The following FAF1 variants were observed in gnomAD, a reference collection of about 807,000 sequenced individuals.
FAF1 encodes the protein FAS-associated factor 1.
In FAF1, 25 loss-of-function variants were observed where a neutral mutation model predicts 92.5. The observed-to-expected ratio is 0.27, with a 90% CI of 0.20 to 0.38. FAF1 has a LOEUF of 0.38. Ranked by LOEUF, FAF1 falls within the 10% of genes least tolerant of loss-of-function variation. The pLI is 1.00. For missense variants in FAF1, 636 were observed against 793.3 expected (o/e 0.80, Z 2.38); for synonymous variants, 234 against 273.2 (o/e 0.86, Z 1.42).
chr1:50,712,632 G>A lies in FAF1; in HGVS notation c.552-6741C>T, dbSNP rs191171179. Among the ~76,000 whole-genome samples the A allele has an allele frequency of 1.9e-4, 29 of 151,996 alleles. No individual in the cohort carries two copies. In the East Asian group the frequency reaches 5.4e-3, roughly 29 times the overall value. On this transcript the variant is annotated intron_variant, in intron 6 of 18. Transcript: ENST00000396153. ...AATCGCACCACTGCACTCCAGCCTG[G>A]GCAGCAGAGAGAGACTCTGTTGTAA...
intron 2 of FAF1, among the ~76,000 whole-genome samples, chr1:50,835,944 G>T (rs1644197236): frequency 6.6e-6 from 1 of 152,094 alleles, no homozygotes; most frequent in South Asian, 2.1e-4. Context: ...GGACATCAAG[G>T]TTGATACAGG....
intron 3 of FAF1, among the ~76,000 whole-genome samples, chr1:50,789,990 C>T (rs1387252872): frequency 6.6e-6 from 1 of 152,192 alleles, no homozygotes; most frequent in Non-Finnish European, 1.5e-5. Flanking sequence ...ACAAATTATA[C>T]TCAACCTTTC....
chr1:50,787,335 C>T (rs757753749), intron 4 of FAF1, among the ~76,000 whole-genome samples: 16 of 152,124 alleles, frequency 1.1e-4, no homozygotes, highest in Non-Finnish European at 2.1e-4. Flanking sequence ...AGTATTAAGA[C>T]GCAGGTCCTT....
chr1:50,937,274 T>G (rs1047316475), intron 1 of FAF1, among the ~76,000 whole-genome samples: 2 of 152,124 alleles, frequency 1.3e-5, no homozygotes, highest in African/African-American at 2.4e-5. Context: ...TGACTCTTGA[T>G]CTCTTCTTTT....
At chr1:50,958,677 CAA>C (rs1298331887) in intron 1 of FAF1, among the ~76,000 whole-genome samples, 8 of 83,436 alleles carry the variant, frequency 9.6e-5, no homozygotes, top group Admixed American at 1.4e-4. Flanking sequence ...GACTCCGTCT[CAA>C]AAAAAAAAAA....
intron 1 of FAF1, among the ~76,000 whole-genome samples, chr1:50,927,121 C>A (rs1339953915): frequency 6.6e-6 from 1 of 152,038 alleles, no homozygotes; most frequent in Non-Finnish European, 1.5e-5. Context: ...AGGGAGTTAA[C>A]GTTTAATCAA....
intron 7 of FAF1, among the ~76,000 whole-genome samples, chr1:50,701,638 G>T (rs944528385): frequency 1.3e-5 from 2 of 152,080 alleles, no homozygotes; most frequent in African/African-American, 4.8e-5. Flanking sequence ...TCCGACGTTA[G>T]GTTCAAATGC....
intron 1 of FAF1, among the ~76,000 whole-genome samples, chr1:50,937,768 T>C (rs940086879): frequency 5.3e-5 from 8 of 152,186 alleles, no homozygotes; most frequent in African/African-American, 9.7e-5. Flanking sequence ...AAAATGCCCC[T>C]ATCTTAATTT....
chr1:50,819,638 T>TCACTCACACA (rs1553142955), intron 2 of FAF1, among the ~76,000 whole-genome samples: 2 of 97,822 alleles, frequency 2.0e-5, no homozygotes, highest in Admixed American at 1.2e-4. Context: ...ACTGACTCAC[T>TCACTCACACA]CACACACACA....
At chr1:50,486,653 C>A (rs888978176) in intron 17 of FAF1, among the ~76,000 whole-genome samples, 6 of 151,984 alleles carry the variant, frequency 3.9e-5, no homozygotes, top group Non-Finnish European at 8.8e-5. Context: ...GTATCTTTTC[C>A]TGTAGTGATT....
intron 17 of FAF1, among the ~76,000 whole-genome samples, chr1:50,487,827 A>G (rs1331754968): frequency 6.6e-6 from 1 of 152,204 alleles, no homozygotes; most frequent in Non-Finnish European, 1.5e-5. Flanking sequence ...GAAGACAGGT[A>G]GTGTTGCTGT....
At position 50,702,598 on chromosome 1, in the gene FAF1, G is replaced by A. The variant is rs572028307; in HGVS notation, c.657+3188C>T. ...CTGTCACTGCTTTCTCCCCAACCAGGAGGATAATGTAACTGGAAGGATTTG... is the reference window on the plus strand; with the variant it reads ...CTGTCACTGCTTTCTCCCCAACCAGAAGGATAATGTAACTGGAAGGATTTG... On this transcript the variant is annotated intron_variant, in intron 7 of 18. Coordinates refer to ENST00000396153, the MANE Select transcript of FAF1 (RefSeq NM_007051.3). 3.9e-5 allele frequency among the ~76,000 whole-genome samples: 6 copies of A among 152,098 alleles called. No individual in the cohort carries two copies. In the East Asian group the frequency reaches 1.2e-3, roughly 29 times the overall value.
chr1:50,845,535 C>A (rs1644291326), intron 2 of FAF1, among the ~76,000 whole-genome samples: 2 of 152,050 alleles, frequency 1.3e-5, no homozygotes, highest in African/African-American at 4.8e-5. Flanking sequence ...AGAGGGACCC[C>A]ACACTCTTTG....
chr1:50,890,661 CT>C (rs1014280499), intron 1 of FAF1, among the ~76,000 whole-genome samples: 38 of 152,266 alleles, frequency 2.5e-4, no homozygotes, highest in African/African-American at 8.4e-4. Flanking sequence ...GTTGAAAATT[CT>C]TTTCTTTGAG....
intron 13 of FAF1, among the ~76,000 whole-genome samples, chr1:50,555,543 T>G (rs1649536458): frequency 6.6e-6 from 1 of 151,946 alleles, no homozygotes; most frequent in Non-Finnish European, 1.5e-5. Flanking sequence ...AAATGCAAAT[T>G]AAAACCACGA....
At chr1:50,733,805 C>A (rs547317680) in intron 6 of FAF1, among the ~76,000 whole-genome samples, 4 of 152,164 alleles carry the variant, frequency 2.6e-5, no homozygotes, top group African/African-American at 9.7e-5. Flanking sequence ...GCAGCCCTAG[C>A]AAACTAAAAC....
intron 7 of FAF1, among the ~76,000 whole-genome samples, chr1:50,664,523 G>T (rs1309872227): frequency 6.7e-6 from 1 of 149,122 alleles, no homozygotes; most frequent in African/African-American, 2.6e-5. Context: ...GGGGGCGGTG[G>T]CTCATGCCTG....
At chr1:50,707,468 G>A (rs949944418) in intron 6 of FAF1, among the ~76,000 whole-genome samples, 1 of 152,148 alleles carries the variant, frequency 6.6e-6, no homozygotes, top group African/African-American at 2.4e-5. Context: ...GGAGGCCAAG[G>A]CGGGTGGATT....
chr1:50,905,083 G>A (rs568194042), intron 1 of FAF1, among the ~76,000 whole-genome samples: 5 of 152,076 alleles, frequency 3.3e-5, no homozygotes, highest in Non-Finnish European at 7.4e-5. Context: ...TCCCCACCCT[G>A]TGTCCAAGTG....
Sources: allele counts gnomAD v4.1 joint callset (sites outside exome capture counted in the v4.1 genomes callset), GRCh38; gene constraint gnomAD v4.1.1; transcripts MANE v1.5; gene names NCBI Gene and HGNC (gene_info 2026-07-23, HGNC 2026-07-21).